The following CEP350 variants were observed in gnomAD, a reference collection of about 807,000 sequenced individuals.
The protein encoded by CEP350 is centrosome-associated protein 350.
CEP350 carries 126 observed loss-of-function variants against 331.8 expected under a neutral mutation model. The observed-to-expected ratio is 0.38, with a 90% CI of 0.33 to 0.44. The LOEUF is 0.44. Among genes scored for constraint, CEP350 ranks in the 20% least tolerant of loss-of-function variants. The pLI is 1.00. For synonymous variants in CEP350, 1,200 were observed against 1,259.5 expected (o/e 0.95, Z 1.00); for missense variants, 3,406 against 3,634.6 (o/e 0.94, Z 1.62).
intron 13 of CEP350, among the ~76,000 whole-genome samples, chr1:180,023,524 A>T (rs1434259459): frequency 6.6e-6 from 1 of 152,202 alleles, no homozygotes; most frequent in Non-Finnish European, 1.5e-5. Flanking sequence ...ACATTGAAAA[A>T]TTTGCAAAGC....
chr1:180,015,359 T>C (rs796272277), intron 10 of CEP350, among the ~76,000 whole-genome samples: 25 of 152,162 alleles, frequency 1.6e-4, no homozygotes, highest in African/African-American at 6.0e-4. Context: ...TTCAGCCTCC[T>C]GAGTAGCTGG....
At chr1:180,090,678 T>C in intron 32 of CEP350, 36 bp from the exon 33 acceptor site, 1 of 1,509,392 alleles carries the variant, frequency 6.6e-7, no homozygotes, top group Non-Finnish European at 8.9e-7. Flanking sequence ...ATTATAGTAA[T>C]ATGTTTATTT....
chr1:180,094,279 G>C lies in CEP350; in HGVS notation c.8174G>C (p.Arg2725Thr). The part of the protein sequence containing the change: ...LCTPLLDLLT[R>T]EKNQLEAQLK... ...ACACCACTTCTGGATCTTTTAACAAGAGAAAAAAACCAACTGGAAGCCCAG... is the reference window on the plus strand; with the variant it reads ...ACACCACTTCTGGATCTTTTAACAACAGAAAAAAACCAACTGGAAGCCCAG... Residue 2725 changes from arginine to threonine, a missense_variant, in exon 34 of 38, where the codon AGA becomes ACA. This residue lies in a region of CEP350 where 1,415 missense variants were observed against 1,512.3 expected (regional missense o/e 0.94). Coordinates refer to ENST00000367607, the MANE Select transcript of CEP350 (RefSeq NM_014810.5). The C allele has an allele frequency of 6.2e-7, 1 of 1,613,478 alleles. No homozygotes were observed. The highest frequency in any genetic ancestry group is 1.1e-5 in the South Asian group (1 of 91,014).
In CEP350 at chr1:180,053,133, T is replaced by C; in HGVS notation, c.4956T>C (p.Ala1652=). 1 of 1,598,472 alleles carries C rather than the reference T, an allele frequency of 6.3e-7. No homozygotes were observed. The change falls in exon 23 of 38, where the codon GCT becomes GCC. Residue 1652 remains alanine, a synonymous_variant. Transcript: ENST00000367607. The part of the protein sequence containing the change: ...RGHHDDSDEE[A]SPEKTTLSTA... ...ATCATGATGACTCTGATGAAGAAGC[T>C]TCTCCAGAAAAAACTACACTGTCTA...
chr1:179,996,526 C>T, intron 5 of CEP350, 27 bp from the exon 6 acceptor site: 1 of 1,479,298 alleles, frequency 6.8e-7, no homozygotes, highest in Non-Finnish European at 9.1e-7. Flanking sequence ...TAATCATAGT[C>T]ACAGAGCTTA....
In CEP350 at chr1:180,085,259, G is replaced by A. The variant is rs547768612; in HGVS notation, c.6285+1081G>A. On this transcript the variant is annotated intron_variant, in intron 31 of 37. Coordinates refer to ENST00000367607, the MANE Select transcript of CEP350 (RefSeq NM_014810.5). ...CTTAACTTGAATTTTCCCCCAAGCCGTAGCAGCCTTTCTGAGTCTGTCCCA... is the reference window on the plus strand; with the variant it reads ...CTTAACTTGAATTTTCCCCCAAGCCATAGCAGCCTTTCTGAGTCTGTCCCA... Among the ~76,000 whole-genome samples the A allele has an allele frequency of 3.2e-4, 49 of 152,096 alleles. 1 individual carries two copies. The highest frequency in any genetic ancestry group is 1.7e-3 in the South Asian group (8 of 4,806).
Position 180,020,644 on chromosome 1 carries a change from A to G in CEP350, c.2870A>G (p.Asp957Gly). The change falls in exon 12 of 38, where the codon GAC becomes GGC. Residue 957 changes from aspartate to glycine, a missense_variant. Around this residue, in one of 5 missense-constraint regions of CEP350, gnomAD observed 1,857 missense variants for 1,909.2 expected, o/e 0.97. Coordinates refer to ENST00000367607, the MANE Select transcript of CEP350 (RefSeq NM_014810.5). The part of the protein sequence containing the change: ...LLAQLCKRQT[D>G]SSSSDMQACS... ...GCACAGTTATGTAAAAGGCAGACTG[A>G]CTCTTCTAGCTCTGATATGCAAGCC... 6.2e-7 allele frequency: 1 copy of G among 1,613,822 alleles called. No individual in the cohort carries two copies.
At position 180,048,567 on chromosome 1, in the gene CEP350, C is replaced by T. The variant is rs745452548; in HGVS notation, c.4654C>T (p.Pro1552Ser). ...CAGTGGTAGCAGCCGCCAAGAAAGT[C>T]CTTCAGTTCCATCTTGTAAGGAAAA... Reference protein sequence around the residue: ...SSSGSSRQESPSVPSCKENEK... With the variant: ...SSSGSSRQESSSVPSCKENEK... The change falls in exon 22 of 38, where the codon CCT (proline) becomes TCT (serine). Residue 1552 changes from proline to serine, a missense_variant. Pro to Ser is a moderately conservative substitution (Grantham distance 74). Around this residue, in one of 5 missense-constraint regions of CEP350, gnomAD observed 1,857 missense variants for 1,909.2 expected, o/e 0.97. Coordinates refer to ENST00000367607, the MANE Select transcript of CEP350 (RefSeq NM_014810.5). 2 of 1,607,280 alleles carry T rather than the reference C, an allele frequency of 1.2e-6. No individual in the cohort carries two copies. Among genetic ancestry groups the T allele is most frequent in the Non-Finnish European group, 1.7e-6 (2 of 1,176,166 alleles).
intron 5 of CEP350, among the ~76,000 whole-genome samples, chr1:179,994,147 T>G (rs903180772): frequency 6.6e-6 from 1 of 152,174 alleles, no homozygotes; most frequent in Admixed American, 6.5e-5. Context: ...ATAGTGAACA[T>G]CCTTATATGT....
At chr1:180,080,217 A>G (rs916032232) in intron 29 of CEP350, among the ~76,000 whole-genome samples, 1 of 152,178 alleles carries the variant, frequency 6.6e-6, no homozygotes, top group Non-Finnish European at 1.5e-5. Flanking sequence ...GGCGGTAAAT[A>G]TTACTGACAC....
At chr1:180,052,653 T>C (rs994222553) in intron 22 of CEP350, among the ~76,000 whole-genome samples, 3 of 152,212 alleles carry the variant, frequency 2.0e-5, no homozygotes, top group Non-Finnish European at 4.4e-5. Flanking sequence ...TATATTTCCT[T>C]TGTAAAGCAT....
chr1:180,072,973 C>T (rs1029855223), intron 27 of CEP350, among the ~76,000 whole-genome samples: 10 of 152,120 alleles, frequency 6.6e-5, no homozygotes, highest in Admixed American at 2.0e-4. Context: ...CACACACGCA[C>T]GGATCTATTT....
rs1248562265 is a variant in CEP350 at position 180,075,920 on chromosome 1, G to GCACT, written c.5767+701_5767+704dup. Among the ~76,000 whole-genome samples the GCACT allele has an allele frequency of 2.6e-5, 4 of 151,716 alleles. No individual in the cohort carries two copies. In the East Asian group the frequency reaches 7.7e-4, roughly 29 times the overall value. On this transcript the variant is annotated intron_variant, in intron 28 of 37. Transcript: ENST00000367607. ...CGCAGTGAGCCAACATCGTACCACT[G>GCACT]CACTCCAGCCTGGCAACAGCGAGAC...
chr1:180,053,641 TG>T, intron 23 of CEP350, 108 bp from the exon 24 acceptor site: 1 of 577,326 alleles, frequency 1.7e-6, no homozygotes, highest in Non-Finnish European at 3.0e-6. Context: ...ACATTGTTGG[TG>T]GCCTTGTTAA....
intron 3 of CEP350, among the ~76,000 whole-genome samples, chr1:179,988,386 C>T (rs2148674418): frequency 6.6e-6 from 1 of 152,054 alleles, no homozygotes; most frequent in South Asian, 2.1e-4. Context: ...ATGAAGGAAA[C>T]CAACTTCTTG....
intron 30 of CEP350, 81 bp downstream of exon 30, chr1:180,080,742 C>A: frequency 8.3e-7 from 1 of 1,198,856 alleles, no homozygotes; most frequent in Non-Finnish European, 1.2e-6. Flanking sequence ...AGTTTGTTGA[C>A]CTTAGGAAGC....
chr1:180,016,020 G>GT, intron 11 of CEP350, 50 bp downstream of exon 11: 1 of 1,605,920 alleles, frequency 6.2e-7, no homozygotes, highest in Non-Finnish European at 8.5e-7. Flanking sequence ...ATGAAATTTA[G>GT]CGGAGTGGTC....
intron 33 of CEP350, among the ~76,000 whole-genome samples, chr1:180,091,094 A>AG (rs1660168076): frequency 3.3e-5 from 5 of 151,240 alleles, no homozygotes; most frequent in Non-Finnish European, 7.4e-5. Flanking sequence ...TGCAGCCTTG[A>AG]CCCCCTGGGC....
chr1:179,955,252 G>C, intron 1 of CEP350, 110 bp downstream of exon 1: 1 of 1,077,586 alleles, frequency 9.3e-7, no homozygotes, highest in Non-Finnish European at 1.2e-6. Context: ...GGCCGGGCGC[G>C]GAGAGTCTTG....
Sources: gnomAD v4.1 joint callset for allele counts (sites outside exome capture counted in the v4.1 genomes callset) on GRCh38, gnomAD v4.1.1 for gene constraint, gnomAD v4.1.1 regional missense constraint, MANE v1.5 for transcripts, NCBI Gene and HGNC (gene_info 2026-07-23, HGNC 2026-07-21) for gene names.